The following DGLUCY variants were observed in gnomAD, a reference collection of about 807,000 sequenced individuals.
DGLUCY encodes the protein D-glutamate cyclase, mitochondrial.
A neutral mutation model predicts 58.5 loss-of-function variants in DGLUCY; 58 were observed. That is an observed-to-expected ratio of 0.99 (90% CI 0.80 to 1.23). DGLUCY has a LOEUF of 1.23. Ranked by LOEUF, DGLUCY falls within the 50% of genes most tolerant of loss-of-function variation. DGLUCY has a pLI of 0.00. For synonymous variants in DGLUCY, 325 were observed against 314.1 expected, an observed-to-expected ratio of 1.03 and a Z score of -0.37; for missense variants, 779 against 784.7, an observed-to-expected ratio of 0.99 and a Z score of 0.09.
chr14:91,207,049 G>T (rs781090160), intron 12 of DGLUCY, among the ~76,000 whole-genome samples: 5 of 151,628 alleles, frequency 3.3e-5, no homozygotes, highest in South Asian at 2.1e-4. Context: ...TCCTGGCTAC[G>T]TGGGGGGGCT....
intron 1 of DGLUCY, chr14:91,114,825 C>T (rs1260149812): frequency 1.3e-5 from 2 of 152,320 alleles, no homozygotes; most frequent in Non-Finnish European, 2.9e-5. Context: ...GGCTGATCAC[C>T]CCTGCGTTGG....
At chr14:91,172,792 G>A (rs774253505) in intron 5 of DGLUCY, among the ~76,000 whole-genome samples, 18 of 152,130 alleles carry the variant, frequency 1.2e-4, no homozygotes, top group East Asian at 7.7e-4. Context: ...GACTAGAGGC[G>A]CGTGCCACCA....
At chr14:91,141,146 G>T (rs1324319427) in intron 1 of DGLUCY, among the ~76,000 whole-genome samples, 3 of 152,136 alleles carry the variant, frequency 2.0e-5, no homozygotes, top group Middle Eastern at 3.2e-3. Context: ...AGCACTTTGG[G>T]AGGCTGAGGC....
intron 1 of DGLUCY, among the ~76,000 whole-genome samples, chr14:91,142,891 G>A (rs1222835184): frequency 2.0e-5 from 3 of 148,784 alleles, no homozygotes; most frequent in African/African-American, 5.0e-5. Context: ...ACTAGCCGGC[G>A]TGGTGGTGCA....
intron 1 of DGLUCY, among the ~76,000 whole-genome samples, chr14:91,127,449 C>G (rs767219115): frequency 3.3e-5 from 5 of 152,246 alleles, no homozygotes; most frequent in Admixed American, 3.3e-4. Context: ...CCTCGCTGCA[C>G]CTGCCCCCTC....
intron 11 of DGLUCY, among the ~76,000 whole-genome samples, chr14:91,202,160 G>A (rs2050614114): frequency 6.6e-6 from 1 of 152,044 alleles, no homozygotes; most frequent in Non-Finnish European, 1.5e-5. Context: ...TTAAGCTTCT[G>A]TGAAAACCCT....
chr14:91,138,781 C>G (rs1004859872), intron 1 of DGLUCY, among the ~76,000 whole-genome samples: 2 of 152,054 alleles, frequency 1.3e-5, no homozygotes, highest in African/African-American at 4.8e-5. Context: ...CCTTCCTCAT[C>G]ATGAGGATGA....
chr14:91,197,873 C>T (rs2050313532), intron 10 of DGLUCY, among the ~76,000 whole-genome samples: 1 of 152,170 alleles, frequency 6.6e-6, no homozygotes, highest in African/African-American at 2.4e-5. Flanking sequence ...CAAATAACTC[C>T]TTGAGTCTTT....
At chr14:91,177,525 A>G (rs2048928484) in intron 7 of DGLUCY, among the ~76,000 whole-genome samples, 1 of 152,220 alleles carries the variant, frequency 6.6e-6, no homozygotes, top group Non-Finnish European at 1.5e-5. Context: ...AGGTGATATT[A>G]CAATGAAGAG....
At chr14:91,084,064 T>A (rs1350607479) in intron 1 of DGLUCY, among the ~76,000 whole-genome samples, 1 of 152,204 alleles carries the variant, frequency 6.6e-6, no homozygotes. Flanking sequence ...CTTAGCATAG[T>A]TTCCGGCACA....
At chr14:91,090,572 C>G (rs2044294712) in intron 1 of DGLUCY, among the ~76,000 whole-genome samples, 1 of 152,130 alleles carries the variant, frequency 6.6e-6, no homozygotes, top group East Asian at 1.9e-4. Flanking sequence ...TGCCATGGCT[C>G]TAGGGGAGCT....
At chr14:91,092,755 ATC>A (rs2044334076) in intron 1 of DGLUCY, among the ~76,000 whole-genome samples, 1 of 152,152 alleles carries the variant, frequency 6.6e-6, no homozygotes, top group Non-Finnish European at 1.5e-5. Context: ...TAATCCAGAC[ATC>A]TCTCTGCGGC....
chr14:91,175,861 C>T, intron 6 of DGLUCY, 73 bp from the exon 7 acceptor site: 2 of 1,542,502 alleles, frequency 1.3e-6, no homozygotes, highest in Admixed American at 1.7e-5. Context: ...AGAGAAAGAA[C>T]CATAAACTAC....
rs1185422445 is a variant in DGLUCY, at chr14:91,189,003, G to A, written c.1028G>A (p.Gly343Glu). The A allele has an allele frequency of 6.2e-7, 1 of 1,614,040 alleles. No individual in the cohort carries two copies. The highest frequency in any genetic ancestry group is 8.5e-7 in the Non-Finnish European group (1 of 1,180,042). The change falls in exon 9 of 14, where the codon GGG becomes GAG. Residue 343 changes from glycine to glutamate, a missense_variant. By Grantham distance (98) the Gly-to-Glu change is moderately conservative. Transcript: ENST00000256324. ...GCCCGCTCAGTGCTCATCACCACTGGGTTCCCCACACATTTCAATCATGAG... is the reference window on the plus strand; with the variant it reads ...GCCCGCTCAGTGCTCATCACCACTGAGTTCCCCACACATTTCAATCATGAG... Reference protein sequence around the residue: ...SHARSVLITTGFPTHFNHEPP... With the variant: ...SHARSVLITTEFPTHFNHEPP...
Position 91,215,486 on chromosome 14 carries a change from G to A in DGLUCY, c.1646G>A (p.Arg549Lys), listed in dbSNP as rs748779091. The A allele has an allele frequency of 3.1e-6, 5 of 1,614,136 alleles. No homozygotes were observed. The highest frequency in any genetic ancestry group is 2.2e-5 in the East Asian group (1 of 44,902). The part of the protein sequence containing the change: ...YSCAVHSQYL[R>K]KAVGPSRAPG... ...TGTGCTGTCCACAGTCAGTACCTGA[G>A]GAAAGCAGTCGGACCCTCCAGGGCA... Residue 549 changes from arginine (R) to lysine (K), a missense_variant, in exon 13 of 14, where the codon AGG becomes AAG. By Grantham distance (26) the Arg-to-Lys change is conservative (BLOSUM62 2). Coordinates refer to ENST00000256324, the MANE Select transcript of DGLUCY (RefSeq NM_001102368.3).
chr14:91,168,701 C>T (rs2048410843), intron 4 of DGLUCY, among the ~76,000 whole-genome samples: 1 of 152,246 alleles, frequency 6.6e-6, no homozygotes, highest in South Asian at 2.1e-4. Flanking sequence ...CTCTGTGTCA[C>T]TCTACCTAGA....
At chr14:91,206,715 T>C (rs927264873) in intron 12 of DGLUCY, among the ~76,000 whole-genome samples, 8 of 152,094 alleles carry the variant, frequency 5.3e-5, no homozygotes, top group Non-Finnish European at 1.2e-4. Context: ...GTAAATTATG[T>C]CCACCTTTCA....
intron 9 of DGLUCY, among the ~76,000 whole-genome samples, chr14:91,192,647 A>G (rs139961623): frequency 0.01 from 1,564 of 152,108 alleles, 27 homozygotes; most frequent in African/African-American, 0.035. Flanking sequence ...TAAAAATACA[A>G]AAATTAGCCA....
At chr14:91,205,933 G>T (rs891851906) in intron 12 of DGLUCY, among the ~76,000 whole-genome samples, 2 of 132,734 alleles carry the variant, frequency 1.5e-5, no homozygotes, top group Admixed American at 8.8e-5. Context: ...TCCGCCTCCC[G>T]GGTTAAAGCG....
Sources: gnomAD v4.1 joint callset for allele counts (sites outside exome capture counted in the v4.1 genomes callset) on GRCh38, gnomAD v4.1.1 for gene constraint, MANE v1.5 for transcripts, NCBI Gene and HGNC (gene_info 2026-07-23, HGNC 2026-07-21) for gene names.